SOD2: variants seen among roughly 807,000 people sequenced by gnomAD.
The protein encoded by SOD2 is superoxide dismutase 2.
In SOD2, 11 loss-of-function variants were observed where a neutral mutation model predicts 27.0. The observed-to-expected ratio is 0.41, with a 90% confidence interval of 0.26 to 0.67. The LOEUF (loss-of-function observed/expected upper bound fraction) is 0.67. Among genes scored for constraint, SOD2 ranks in the 30% least tolerant of loss-of-function variants. The probability of loss-of-function intolerance (pLI) is 0.34; values close to 1 mark genes in which losing one functional copy is unlikely to be tolerated. For synonymous variants in SOD2, 105 were observed against 103.0 expected (o/e 1.02, Z -0.12); for missense variants, 250 against 274.5 (o/e 0.91, Z 0.63).
chr6:159,740,088 TC>T (rs1779159167), intron 1 of SOD2, among the ~76,000 whole-genome samples: 1 of 152,040 alleles, frequency 6.6e-6, no homozygotes, highest in Non-Finnish European at 1.5e-5. Context: ...GAAGTGATTC[TC>T]TCACCTTGGC....
At chr6:159,751,784 A>G (rs547558498) in intron 1 of SOD2, among the ~76,000 whole-genome samples, 1 of 152,336 alleles carries the variant, frequency 6.6e-6, no homozygotes, top group East Asian at 1.9e-4. Flanking sequence ...ACATGCAGCC[A>G]GGCACGGTGG....
upstream of SOD2, among the ~76,000 whole-genome samples, chr6:159,697,929 C>T (rs1018633631): frequency 6.6e-6 from 1 of 152,118 alleles, no homozygotes; most frequent in African/African-American, 2.4e-5. Context: ...CATCTGAGGT[C>T]GGGAAATCGA....
At position 159,721,725 on chromosome 6, in the gene SOD2, A is replaced by G. The variant is rs571501293; in HGVS notation, c.-116+5404T>C. On this transcript the variant is annotated intron_variant, in intron 1 of 2. Transcript: ENST00000401980. ...GTATTTTTAGTAGAGATGGGGTTTC[A>G]CTATGTTGCCAGGTTGGTCTTGAAC... Among the ~76,000 whole-genome samples, 4 of 110,198 alleles carry G rather than the reference A, an allele frequency of 3.6e-5. No individual in the cohort carries two copies. The East Asian group carries it at 7.8e-4, about 21-fold the overall frequency. 72.3% of individuals were successfully genotyped at this position (110,198 alleles called of 152,430 possible).
At chr6:159,758,595 A>C (rs1380485805) in intron 1 of SOD2, among the ~76,000 whole-genome samples, 1 of 152,156 alleles carries the variant, frequency 6.6e-6, no homozygotes, top group Admixed American at 6.5e-5. Flanking sequence ...GAGTTCACCT[A>C]TCCCTGTGGT....
upstream of SOD2, chr6:159,727,524 G>A (rs1778261661): frequency 2.0e-6 from 2 of 992,424 alleles, no homozygotes; most frequent in Non-Finnish European, 2.4e-6. Flanking sequence ...GCGCCATTTT[G>A]TGGCAGCGAG....
intron 1 of SOD2, among the ~76,000 whole-genome samples, chr6:159,719,755 A>G (rs1344072861): frequency 7.7e-6 from 1 of 129,368 alleles, no homozygotes; most frequent in African/African-American, 2.9e-5. Context: ...AGAGAGTCTT[A>G]TTCTGTCCCC....
chr6:159,718,571 A>G (rs9456444), intron 1 of SOD2, among the ~76,000 whole-genome samples: 30,148 of 152,168 alleles, frequency 0.2, 3,487 homozygotes, highest in East Asian at 0.4. Flanking sequence ...TATAATTTTA[A>G]AAATCTAAAT....
intron 1 of SOD2, among the ~76,000 whole-genome samples, chr6:159,757,411 CTT>C (rs1317221940): frequency 7.2e-6 from 1 of 138,376 alleles, no homozygotes; most frequent in African/African-American, 2.5e-5. Flanking sequence ...TCTTTTTTTT[CTT>C]TTTCTCTTTT....
Position 159,733,893 on chromosome 6 carries a change from G to C in SOD2, c.-116+11237C>G, listed in dbSNP as rs1409471815. On this transcript the variant is annotated intron_variant, in intron 1 of 3. Coordinates refer to the SOD2 transcript ENST00000537657. Reference sequence around the variant, plus strand: ...ATCGCGCCGTTGCACTCCACCCCGGGCAACAAGAGCGAAACTCCATCTCCA... The same window carrying C: ...ATCGCGCCGTTGCACTCCACCCCGGCCAACAAGAGCGAAACTCCATCTCCA... Among the ~76,000 whole-genome samples, 3 of 152,230 alleles carry C rather than the reference G, an allele frequency of 2.0e-5. No homozygotes were observed. In the East Asian group the frequency reaches 5.8e-4, roughly 29 times the overall value.
chr6:159,761,444 T>C, exon 1 of SOD2: 1 of 444,404 alleles, frequency 2.3e-6, no homozygotes, highest in South Asian at 1.6e-5. Context: ...CCAGAGTTGA[T>C]CTTAGAAGGC....
At chr6:159,727,571 G>C (rs1182549926), upstream of SOD2, 4 of 987,570 alleles carry the variant, frequency 4.1e-6, no homozygotes, top group East Asian at 1.1e-4. Context: ...GTTGCGGCGG[G>C]ACTAGGAGCG....
At position 159,726,857 on chromosome 6, in the gene SOD2, A is replaced by C. The variant is rs773148437; in HGVS notation, c.-116+272T>G. On this transcript the variant is annotated intron_variant, in intron 1 of 2. Coordinates refer to the SOD2 transcript ENST00000401980. ...TCTAAGTTCTCAAAACTTACAGGTG[A>C]GCTTCTGCTAAGAGTAAACGCCCGC... The C allele has an allele frequency of 2.3e-6, 3 of 1,289,210 alleles. No homozygotes were observed. In the South Asian group the frequency reaches 3.7e-5, roughly 16 times the overall value. The allele number at this position is 1,289,210 out of a possible 1,614,324, so 79.9% of individuals were successfully genotyped here.
At chr6:159,700,002 C>A (rs1005694448) in intron 1 of SOD2, among the ~76,000 whole-genome samples, 3 of 152,222 alleles carry the variant, frequency 2.0e-5, no homozygotes, top group Admixed American at 6.5e-5. Context: ...ACCCTCCTCT[C>A]GTGCCAGCTT....
At chr6:159,692,563 C>G in intron 2 of SOD2, 98 bp downstream of exon 2, 1 of 1,559,462 alleles carries the variant, frequency 6.4e-7, no homozygotes. Context: ...AAATACGAAG[C>G]GAGTTCTCCT....
At chr6:159,732,886 A>AGAGTGT (rs1554263289) in intron 1 of SOD2, among the ~76,000 whole-genome samples, 2 of 146,380 alleles carry the variant, frequency 1.4e-5, no homozygotes, top group Non-Finnish European at 3.0e-5. Flanking sequence ...ATATATATAT[A>AGAGTGT]GTGTGTGTGT....
intron 1 of SOD2, among the ~76,000 whole-genome samples, chr6:159,715,308 G>T (rs1777905460): frequency 6.6e-6 from 1 of 152,102 alleles, no homozygotes; most frequent in South Asian, 2.1e-4. Context: ...AAACAGGGAA[G>T]AGCAACAAAA....
upstream of SOD2, chr6:159,727,549 G>A: frequency 1.0e-6 from 1 of 989,184 alleles, no homozygotes; most frequent in Non-Finnish European, 1.2e-6. Context: ...ACAAATAAAG[G>A]GGAGCGCAGG....
chr6:159,742,224 T>G, intron 1 of SOD2: 1 of 1,250,164 alleles, frequency 8.0e-7, no homozygotes, highest in Non-Finnish European at 1.1e-6. Context: ...GTTGTTTTTA[T>G]TAAAGCAAAT....
intron 1 of SOD2, among the ~76,000 whole-genome samples, chr6:159,737,130 C>T (rs1245012706): frequency 6.6e-6 from 1 of 152,192 alleles, no homozygotes; most frequent in Non-Finnish European, 1.5e-5. Flanking sequence ...TTACTGCAGT[C>T]TCCGCCTCCT....
Sources: gnomAD v4.1 joint callset for allele counts (sites outside exome capture counted in the v4.1 genomes callset) on GRCh38, gnomAD v4.1.1 for gene constraint, MANE v1.5 for transcripts, NCBI Gene and HGNC (gene_info 2026-07-23, HGNC 2026-07-21) for gene names.